The following SPTAN1 variants were observed in gnomAD, a reference collection of about 807,000 sequenced individuals.
The protein encoded by SPTAN1 is spectrin alpha chain, non-erythrocytic 1.
Under a neutral mutation model 331.3 loss-of-function variants are expected in SPTAN1, and 61 were observed. The observed-to-expected ratio is 0.18, with a 90% CI of 0.15 to 0.23. The LOEUF (loss-of-function observed/expected upper bound fraction) is 0.23. SPTAN1 is among the 10% of genes least tolerant of loss of function. SPTAN1 has a pLI of 1.00. For missense variants in SPTAN1, 2,043 were observed against 3,147.9 expected (o/e 0.65, Z 8.40); for synonymous variants, 1,153 against 1,173.9 (o/e 0.98, Z 0.36).
Position 128,607,954 on chromosome 9 carries a change from A to C in SPTAN1, c.4249A>C (p.Lys1417Gln). The change falls in exon 33 of 57, where the codon AAG (lysine) becomes CAG (glutamine). Residue 1417 changes from lysine (K) to glutamine (Q), a missense_variant. Transcript: ENST00000372739. ...CGGACACTATGCCAGCCCTGAGATC[A>C]AGCAGAAACTTGATATTCTTGACCA... ...AHGHYASPEI[K>Q]QKLDILDQER... The C allele has an allele frequency of 1.9e-6, 3 of 1,614,106 alleles. No homozygotes were observed. The African/African-American group carries it at 4.0e-5, about 22-fold the overall frequency.
chr9:128,587,932 G>C (rs1010933188), intron 20 of SPTAN1, among the ~76,000 whole-genome samples: 6 of 151,910 alleles, frequency 3.9e-5, no homozygotes, highest in African/African-American at 1.5e-4. Flanking sequence ...TGCAACCTCC[G>C]CCTCCTGGGT....
intron 1 of SPTAN1, among the ~76,000 whole-genome samples, chr9:128,557,226 A>T (rs1848734992): frequency 6.6e-6 from 1 of 152,246 alleles, no homozygotes; most frequent in African/African-American, 2.4e-5. Flanking sequence ...CCTGAGAATC[A>T]GAATTCATTT....
intron 20 of SPTAN1, among the ~76,000 whole-genome samples, chr9:128,588,550 A>G (rs543779093): frequency 3.3e-5 from 5 of 152,062 alleles, no homozygotes; most frequent in African/African-American, 1.2e-4. Context: ...ACCTCAGGTG[A>G]TCTGCCTGCC....
At chr9:128,633,047 G>T in intron 56 of SPTAN1, 92 bp downstream of exon 56, 2 of 1,593,656 alleles carry the variant, frequency 1.3e-6, no homozygotes, top group South Asian at 1.1e-5. Context: ...CAGGCCCTGC[G>T]CTGGGTATTC....
rs1194157553 is a variant in SPTAN1, at chr9:128,627,179, C to T, written c.6577-207C>T. On this transcript the variant is annotated intron_variant, in intron 49 of 56. Transcript: ENST00000372739. The surrounding 1 kb of genome is among the most constrained non-coding windows in gnomAD (Gnocchi z 4.9). The stretch of plus-strand genomic sequence containing the variant: ...CTGACCAGTCGCTTCCCTCCAGGTC[C>T]GCCTCTTCCTTGAAGCCCCTGGGGG... 4 of 642,594 alleles carry T rather than the reference C, an allele frequency of 6.2e-6. No homozygotes were observed. The highest frequency in any genetic ancestry group is 3.2e-5 in the South Asian group (2 of 61,958). 39.8% of individuals were successfully genotyped at this position (642,594 alleles called of 1,614,324 possible).
chr9:128,563,810 AT>A (rs1386642042), intron 1 of SPTAN1, among the ~76,000 whole-genome samples: 7 of 147,402 alleles, frequency 4.7e-5, no homozygotes, highest in African/African-American at 7.5e-5. Flanking sequence ...TGCCTGGATA[AT>A]TTTTTTTTTA....
chr9:128,600,852 A>G (rs1023192738), intron 27 of SPTAN1, among the ~76,000 whole-genome samples: 14 of 151,588 alleles, frequency 9.2e-5, no homozygotes, highest in African/African-American at 3.4e-4. Flanking sequence ...TAGTAGAGAC[A>G]GGGTTTCGCC....
At position 128,582,465 on chromosome 9, in the gene SPTAN1, A is replaced by G. The variant is rs774394963; in HGVS notation, c.1573-14A>G. 6 of 1,613,624 alleles carry G rather than the reference A, an allele frequency of 3.7e-6. No individual in the cohort carries two copies. Among genetic ancestry groups the G allele is most frequent in the African/African-American group, 1.3e-5 (1 of 74,920 alleles). ...GTGTGCTTACCAATGAAGAACTCTT[A>G]TCTTCCTTCCTAGGCATTAGATGAA... On this transcript the variant is annotated splice_polypyrimidine_tract_variant and intron_variant, in intron 12 of 56. Coordinates refer to ENST00000372739, the MANE Select transcript of SPTAN1 (RefSeq NM_001130438.3).
At chr9:128,598,635 C>G (rs962099122) in intron 25 of SPTAN1, 131 bp downstream of exon 25, 1 of 812,386 alleles carries the variant, frequency 1.2e-6, no homozygotes, top group Non-Finnish European at 2.1e-6. Context: ...GTCAGGTCCT[C>G]TATGTGACCA....
chr9:128,604,597 A>C (rs1426596698), intron 29 of SPTAN1, among the ~76,000 whole-genome samples, 180 bp downstream of exon 29: 4 of 152,226 alleles, frequency 2.6e-5, no homozygotes, highest in African/African-American at 9.6e-5. Flanking sequence ...TTTTAGAGTT[A>C]TTGGTGGTAG....
intron 33 of SPTAN1, 23 bp from the exon 34 acceptor site, chr9:128,608,107 C>G: frequency 6.2e-7 from 1 of 1,614,184 alleles, no homozygotes. Context: ...CTCATTTTCT[C>G]ACCTGCCTCT....
intron 18 of SPTAN1, 118 bp from the exon 19 acceptor site, chr9:128,585,630 A>G: frequency 5.8e-6 from 5 of 855,612 alleles, no homozygotes; most frequent in Non-Finnish European, 7.7e-6. Flanking sequence ...ATGAAAGGGC[A>G]CAGCTCACCA....
chr9:128,624,934 C>A, intron 46 of SPTAN1, 169 bp from the exon 47 acceptor site: 1 of 695,548 alleles, frequency 1.4e-6, no homozygotes, highest in Non-Finnish European at 2.6e-6. Flanking sequence ...CAGATGGAGG[C>A]CAGGCCTGGG....
At position 128,555,393 on chromosome 9, in the gene SPTAN1, A is replaced by G; in HGVS notation, c.-4+2697A>G. The G allele has an allele frequency of 2.3e-6, 3 of 1,289,660 alleles. No individual in the cohort carries two copies. The South Asian group carries it at 3.7e-5, about 16-fold the overall frequency. 79.9% of individuals were successfully genotyped at this position (1,289,660 alleles called of 1,614,324 possible). A position where few individuals can be genotyped will look rare whatever the true frequency, so the allele number is the denominator to read the frequency against. On this transcript the variant is annotated intron_variant, in intron 1 of 56. Coordinates refer to ENST00000372739, the MANE Select transcript of SPTAN1 (RefSeq NM_001130438.3). Reference sequence around the variant, plus strand: ...TGTTGTCATCGTTTCGTAAACGCAGAGTCCAGGTATTTGACGAGCATGCAG... The same window carrying G: ...TGTTGTCATCGTTTCGTAAACGCAGGGTCCAGGTATTTGACGAGCATGCAG...
chr9:128,611,359 A>G (rs893963397), intron 37 of SPTAN1, among the ~76,000 whole-genome samples: 1 of 152,046 alleles, frequency 6.6e-6, no homozygotes, highest in Admixed American at 6.6e-5. Flanking sequence ...GGTCCCAGCT[A>G]TTCGGGAGGC....
intron 43 of SPTAN1, 104 bp downstream of exon 43, chr9:128,618,212 G>T: frequency 6.5e-7 from 1 of 1,542,940 alleles, no homozygotes; most frequent in Non-Finnish European, 8.8e-7. Flanking sequence ...CTGTCTCCTG[G>T]ACCTTTGGCC....
At chr9:128,618,148 A>G (rs774649396) in intron 43 of SPTAN1, 40 bp downstream of exon 43, 1 of 1,611,318 alleles carries the variant, frequency 6.2e-7, no homozygotes, top group Non-Finnish European at 8.5e-7. Flanking sequence ...AACAAGTGGA[A>G]GGCCAGCACC....
In SPTAN1 at chr9:128,630,558, A is replaced by G. The variant is rs1564326186; in HGVS notation, c.6762+183A>G. The G allele has an allele frequency of 6.6e-6, 4 of 607,424 alleles. No homozygotes were observed. The Admixed American group carries it at 8.0e-5, about 12-fold the overall frequency. 37.6% of individuals were successfully genotyped at this position (607,424 alleles called of 1,614,324 possible). On this transcript the variant is annotated intron_variant, in intron 52 of 56. Transcript: ENST00000372739. ...TCTCTTTTCTTTCTTTCTTCATGGA[A>G]TCTCTCTCTCGCCCAGGCTGGAGTG...
chr9:128,589,865 G>A (rs907881889), intron 21 of SPTAN1, among the ~76,000 whole-genome samples: 3 of 152,160 alleles, frequency 2.0e-5, no homozygotes, highest in Non-Finnish European at 4.4e-5. Context: ...ATGAGCCACC[G>A]CGCCTGGCCG....
Sources: gnomAD v4.1 joint callset for allele counts (sites outside exome capture counted in the v4.1 genomes callset) on GRCh38, gnomAD v4.1.1 for gene constraint, Gnocchi (gnomAD v3.1) non-coding constraint, MANE v1.5 for transcripts, NCBI Gene and HGNC (gene_info 2026-07-23, HGNC 2026-07-21) for gene names.